Variants in LOXHD1 observed in about 807,000 individuals in gnomAD.
LOXHD1 encodes lipoxygenase homology PLAT domains 1, also known as lipoxygenase homology domain-containing protein 1.
LOXHD1 carries 205 observed loss-of-function variants against 248.2 expected under a neutral mutation model. That is an observed-to-expected ratio of 0.83 (90% confidence interval 0.74 to 0.93). The LOEUF (loss-of-function observed/expected upper bound fraction) is 0.93. Ranked by LOEUF, LOXHD1 falls within the 40% of genes least tolerant of loss-of-function variation. The pLI is 0.00. For missense variants in LOXHD1, 2,930 were observed against 2,971.6 expected (o/e 0.99, Z 0.33); for synonymous variants, 1,113 against 1,162.8 (o/e 0.96, Z 0.87).
At chr18:46,510,390 A>T (rs2034886854) in intron 34 of LOXHD1, among the ~76,000 whole-genome samples, 1 of 152,246 alleles carries the variant, frequency 6.6e-6, no homozygotes, top group Non-Finnish European at 1.5e-5. Flanking sequence ...ACTGTAAAGC[A>T]GTAGGCAAAT....
At chr18:46,548,512 G>C (rs2036946989) in intron 21 of LOXHD1, among the ~76,000 whole-genome samples, 1 of 152,186 alleles carries the variant, frequency 6.6e-6, no homozygotes, top group Admixed American at 6.5e-5. Context: ...GGGGCAATAT[G>C]AACTAAGCTA....
At chr18:46,542,156 TAGTAAG>T (rs1425432280) in intron 24 of LOXHD1, among the ~76,000 whole-genome samples, 1 of 152,152 alleles carries the variant, frequency 6.6e-6, no homozygotes, top group Admixed American at 6.5e-5. Context: ...TCAGTGAAAT[TAGTAAG>T]AGTAAAAGAG....
intron 4 of LOXHD1, among the ~76,000 whole-genome samples, chr18:46,637,211 T>G (rs568048668): frequency 4.7e-4 from 72 of 152,318 alleles, no homozygotes; most frequent in African/African-American, 1.7e-3. Flanking sequence ...AACCCCTTTT[T>G]CATTCCATTC....
chr18:46,520,369 G>A, intron 33 of LOXHD1: 2 of 466,854 alleles, frequency 4.3e-6, no homozygotes, highest in South Asian at 3.1e-5. Context: ...ATAAGGGCTG[G>A]GGCCTTCTGT....
intron 34 of LOXHD1, among the ~76,000 whole-genome samples, chr18:46,510,864 A>G (rs1416059772): frequency 6.6e-6 from 1 of 152,146 alleles, no homozygotes; most frequent in Non-Finnish European, 1.5e-5. Flanking sequence ...CTCTAATTGA[A>G]GCCCCATCTG....
intron 40 of LOXHD1, 85 bp downstream of exon 40, chr18:46,483,502 C>T: frequency 6.7e-7 from 1 of 1,493,324 alleles, no homozygotes; most frequent in South Asian, 1.2e-5. Context: ...CCTCATCATA[C>T]CCTGCTCTCT....
intron 13 of LOXHD1, among the ~76,000 whole-genome samples, chr18:46,578,431 A>T (rs776169339): frequency 6.6e-6 from 1 of 152,182 alleles, no homozygotes; most frequent in Non-Finnish European, 1.5e-5. Context: ...AAGGCTGGAG[A>T]GAAAGGTGGG....
intron 21 of LOXHD1, among the ~76,000 whole-genome samples, chr18:46,556,383 T>C (rs1598994111): frequency 6.6e-6 from 1 of 152,122 alleles, no homozygotes; most frequent in African/African-American, 2.4e-5. Context: ...TGACAGGGAT[T>C]GGAAATCCTG....
In LOXHD1 at chr18:46,557,336, C is replaced by T. The variant is rs578132862; in HGVS notation, c.3350+20G>A. 3.2e-6 allele frequency: 5 copies of T among 1,552,304 alleles called. No individual in the cohort carries two copies. Among genetic ancestry groups the T allele is most frequent in the Admixed American group, 3.9e-5 (2 of 51,016 alleles). On this transcript the variant is annotated intron_variant, in intron 21 of 40. Transcript: ENST00000642948. ...TCCCTCAGAGCAACACCCCTCCCTGCCCACTGCCCCCACACTCACGTGATC... is the reference window on the plus strand; with the variant it reads ...TCCCTCAGAGCAACACCCCTCCCTGTCCACTGCCCCCACACTCACGTGATC...
chr18:46,584,421 G>A lies in LOXHD1; in HGVS notation c.1655-4637C>T, dbSNP rs574929190. On this transcript the variant is annotated intron_variant, in intron 12 of 40. Coordinates refer to ENST00000642948, the MANE Select transcript of LOXHD1 (RefSeq NM_001384474.1). ...CCATAAAGAAATGATAAATGCATGAGGTGATGGATAGGCTAACAACACTGA... is the reference window on the plus strand; with the variant it reads ...CCATAAAGAAATGATAAATGCATGAAGTGATGGATAGGCTAACAACACTGA... 3.9e-5 allele frequency among the ~76,000 whole-genome samples: 6 copies of A among 152,194 alleles called. No individual in the cohort carries two copies. In the East Asian group the frequency reaches 1.2e-3, roughly 29 times the overall value.
chr18:46,483,681 C>G lies in LOXHD1; in HGVS notation c.6247G>C (p.Gly2083Arg), dbSNP rs971198898. Residue 2083 changes from glycine to arginine, a missense_variant, in exon 40 of 41, where the codon GGC (glycine) becomes CGC (arginine). Coordinates refer to ENST00000642948, the MANE Select transcript of LOXHD1 (RefSeq NM_001384474.1). ...AACCGGTCTTCCCTGGCAAGGTGGC[C>G]CACACAGAGGGAGGCAATGTCCCCC... ...YLGDIASLCV[G>R]HLAREDRFIP... 31 of 1,551,678 alleles carry G rather than the reference C, an allele frequency of 2.0e-5. No homozygotes were observed. Among genetic ancestry groups the G allele is most frequent in the Non-Finnish European group, 2.6e-5 (30 of 1,146,984 alleles).
chr18:46,542,672 A>G (rs963514452), intron 24 of LOXHD1, 55 bp downstream of exon 24: 1 of 1,544,776 alleles, frequency 6.5e-7, no homozygotes, highest in Admixed American at 2.0e-5. Flanking sequence ...GCCCACAAGG[A>G]CCTGTCCATG....
At chr18:46,563,803 T>C (rs1305378301) in intron 17 of LOXHD1, among the ~76,000 whole-genome samples, 1 of 151,908 alleles carries the variant, frequency 6.6e-6, no homozygotes, top group East Asian at 1.9e-4. Flanking sequence ...AAAAGGAAAT[T>C]GTGGCACACA....
intron 1 of LOXHD1, among the ~76,000 whole-genome samples, chr18:46,651,449 C>T (rs902056108): frequency 6.6e-6 from 1 of 152,092 alleles, no homozygotes; most frequent in African/African-American, 2.4e-5. Context: ...CACATAAAGG[C>T]ATTTCCAAAC....
intron 26 of LOXHD1, among the ~76,000 whole-genome samples, chr18:46,536,745 C>G (rs186817585): frequency 9.2e-5 from 14 of 152,312 alleles, no homozygotes; most frequent in African/African-American, 3.1e-4. Context: ...AGGTGACAGA[C>G]CTTCCCACAA....
At chr18:46,574,388 T>TACACACACACACACACACACACAC (rs569144159) in intron 14 of LOXHD1, among the ~76,000 whole-genome samples, 1,360 of 125,196 alleles carry the variant, frequency 0.011, 22 homozygotes, top group African/African-American at 0.023. Context: ...TGTGTACACA[T>TACACACACACACACACACACACAC]ACACACACAC....
intron 37 of LOXHD1, among the ~76,000 whole-genome samples, chr18:46,494,479 G>C (rs2033700808): frequency 6.6e-6 from 1 of 152,176 alleles, no homozygotes; most frequent in Non-Finnish European, 1.5e-5. Context: ...TCTTCAGTAA[G>C]ATAATAAATG....
At chr18:46,567,406 A>T (rs975820469) in intron 16 of LOXHD1, among the ~76,000 whole-genome samples, 1 of 152,378 alleles carries the variant, frequency 6.6e-6, no homozygotes, top group East Asian at 1.9e-4. Context: ...AGCTAAGTGC[A>T]TGCAGCCCAG....
intron 4 of LOXHD1, among the ~76,000 whole-genome samples, chr18:46,638,094 G>A (rs77493019): frequency 0.08 from 12,240 of 152,138 alleles, 646 homozygotes; most frequent in Non-Finnish European, 0.12. Context: ...GAGGGGTGTC[G>A]AGCAATATTT....
Sources: allele counts gnomAD v4.1 joint callset (sites outside exome capture counted in the v4.1 genomes callset), GRCh38; gene constraint gnomAD v4.1.1; transcripts MANE v1.5; gene names NCBI Gene and HGNC (gene_info 2026-07-23, HGNC 2026-07-21).